ZNF831: variants seen among roughly 807,000 people sequenced by gnomAD.
ZNF831 encodes zinc finger protein 831, also known as chromosome 20 open reading frame 174.
In ZNF831, 59 loss-of-function variants were observed where a neutral mutation model predicts 95.8. That is an observed-to-expected ratio of 0.62 (90% CI 0.50 to 0.77). The LOEUF is 0.77. Among genes scored for constraint, ZNF831 ranks in the 30% least tolerant of loss-of-function variants. ZNF831 has a pLI of 0.00. For missense variants in ZNF831, 2,205 were observed against 2,164.0 expected (o/e 1.02, Z -0.38); for synonymous variants, 961 against 925.5 (o/e 1.04, Z -0.70).
At chr20:59,238,734 A>G (rs1987145794) in intron 4 of ZNF831, among the ~76,000 whole-genome samples, 1 of 152,218 alleles carries the variant, frequency 6.6e-6, no homozygotes. Context: ...GATCTTATAT[A>G]CAGGGTACAT....
At chr20:59,222,604 C>T (rs1282457596) in intron 4 of ZNF831, among the ~76,000 whole-genome samples, 2 of 152,108 alleles carry the variant, frequency 1.3e-5, no homozygotes, top group Non-Finnish European at 2.9e-5. Flanking sequence ...AAAAAACAAG[C>T]CTTGTGAATT....
At position 59,191,472 on chromosome 20, in the gene ZNF831, C is replaced by T. The variant is rs778350290; in HGVS notation, c.453C>T (p.Arg151=). The T allele has an allele frequency of 3.1e-6, 5 of 1,613,088 alleles. No homozygotes were observed. In the Admixed American group the frequency reaches 5.0e-5, roughly 16 times the overall value. ...AGTACCTGTGTCCGCACTGTGGTCG[C>T]GACTGCCTGAAGCCCAGTGTTCTAG... ...AGKYLCPHCG[R]DCLKPSVLEK... is the part of the protein sequence containing the mutation. The change falls in exon 2 of 6, where the codon CGC becomes CGT. Residue 151 remains arginine, a synonymous_variant. Coordinates refer to ENST00000371030, the MANE Select transcript of ZNF831 (RefSeq NM_178457.3).
intron 1 of ZNF831, among the ~76,000 whole-genome samples, chr20:59,183,695 TA>T (rs994078672): frequency 6.6e-6 from 1 of 152,236 alleles, no homozygotes; most frequent in Non-Finnish European, 1.5e-5. Flanking sequence ...ACATCTCTTT[TA>T]AAAAACTGTT....
At chr20:59,145,211 C>T (rs917874084) in intron 1 of ZNF831, among the ~76,000 whole-genome samples, 1 of 152,158 alleles carries the variant, frequency 6.6e-6, no homozygotes, top group African/African-American at 2.4e-5. Context: ...CCACATGTAT[C>T]CTTTCTGGCC....
At position 59,193,751 on chromosome 20, in the gene ZNF831, C is replaced by T. The variant is rs2146588801; in HGVS notation, c.2732C>T (p.Pro911Leu). The change falls in exon 2 of 6, where the codon CCA becomes CTA. Residue 911 changes from proline to leucine, a missense_variant. Physicochemically the swap from Pro to Leu is moderately conservative, Grantham distance 98 (BLOSUM62 -3). Coordinates refer to ENST00000371030, the MANE Select transcript of ZNF831 (RefSeq NM_178457.3). ...DKATPLHPAA[P>L]APAEHPSLAT... ...GCTACCCCACTGCATCCTGCAGCCC[C>T]AGCCCCCGCAGAGCACCCCTCGCTG... 6.2e-7 allele frequency: 1 copy of T among 1,609,060 alleles called. No homozygotes were observed. Among genetic ancestry groups the T allele is most frequent in the South Asian group, 1.1e-5 (1 of 90,340 alleles).
intron 4 of ZNF831, among the ~76,000 whole-genome samples, chr20:59,222,716 C>T (rs1986170684): frequency 6.6e-6 from 1 of 152,192 alleles, no homozygotes; most frequent in African/African-American, 2.4e-5. Context: ...CGCCGAAGCC[C>T]GGCTCCCTCC....
Position 59,194,098 on chromosome 20 carries a change from G to A in ZNF831, c.3079G>A (p.Gly1027Arg), listed in dbSNP as rs1168083817. 1 of 1,547,802 alleles carries A rather than the reference G, an allele frequency of 6.5e-7. No homozygotes were observed. The highest frequency in any genetic ancestry group is 1.3e-5 in the South Asian group (1 of 79,648). ...AGGGGCACAGTTGGGGGGGGACAAG[G>A]GGGACAGGATGGCCACTAGCAGGCC... is the stretch of plus-strand genomic sequence containing the variant. ...RKGAQLGGDK[G>R]DRMATSRPAA... Residue 1027 changes from glycine to arginine, a missense_variant, in exon 2 of 6, where the codon GGG becomes AGG. By Grantham distance (125) the Gly-to-Arg change is moderately radical. Coordinates refer to ENST00000371030, the MANE Select transcript of ZNF831 (RefSeq NM_178457.3).
At chr20:59,244,148 G>A (rs1415641257) in intron 4 of ZNF831, among the ~76,000 whole-genome samples, 6 of 150,330 alleles carry the variant, frequency 4.0e-5, no homozygotes, top group Non-Finnish European at 8.9e-5. Context: ...AAGAGAAGAC[G>A]AATGAGAACC....
intron 1 of ZNF831, among the ~76,000 whole-genome samples, chr20:59,144,984 C>T (rs137867777): frequency 2.0e-5 from 3 of 152,114 alleles, no homozygotes; most frequent in South Asian, 2.1e-4. Flanking sequence ...CCCCCATGCA[C>T]GGGCAGGAGC....
intron 3 of ZNF831, among the ~76,000 whole-genome samples, chr20:59,205,424 G>A (rs1028391721): frequency 6.6e-6 from 1 of 152,158 alleles, no homozygotes; most frequent in African/African-American, 2.4e-5. Context: ...CCCCAGCCGG[G>A]GAATGACAGC....
At chr20:59,137,723 A>T (rs549487600) in intron 1 of ZNF831, among the ~76,000 whole-genome samples, 1 of 152,292 alleles carries the variant, frequency 6.6e-6, no homozygotes, top group South Asian at 2.1e-4. Flanking sequence ...CCAGCAGAGC[A>T]TTTATAGCAA....
chr20:59,180,427 T>A (rs149089707), intron 1 of ZNF831, among the ~76,000 whole-genome samples: 1,627 of 152,324 alleles, frequency 0.011, 19 homozygotes, highest in Middle Eastern at 0.034. Context: ...TAGGTATACA[T>A]GTGCCATGGT....
chr20:59,217,077 C>G lies in ZNF831; in HGVS notation c.4027+10021C>G, dbSNP rs1418966454. Among the ~76,000 whole-genome samples, 1 of 152,156 alleles carries G rather than the reference C, an allele frequency of 6.6e-6. No individual in the cohort carries two copies. The highest frequency in any genetic ancestry group is 2.4e-5 in the African/African-American group (1 of 41,430). ...AAATGCAATAGATAAGGCTGATGTT[C>G]AGTTTCACCACTACCCCATCCCAAT... On this transcript the variant is annotated intron_variant, in intron 4 of 5. Transcript: ENST00000371030. The surrounding 1 kb of genome is among the most constrained non-coding windows in gnomAD (Gnocchi z 4.4).
In ZNF831 at chr20:59,221,270, A is replaced by C. The variant is rs11905720; in HGVS notation, c.4027+14214A>C. Among the ~76,000 whole-genome samples, 126 of 152,260 alleles carry C rather than the reference A, an allele frequency of 8.3e-4. 1 individual carries two copies. Among genetic ancestry groups the C allele is most frequent in the African/African-American group, 2.9e-3 (120 of 41,532 alleles). On this transcript the variant is annotated intron_variant, in intron 4 of 5. Transcript: ENST00000371030. Reference sequence around the variant, plus strand: ...GGAGCTCGTAGGGATTCGGGAGTACATTCTGGGCCCTTGAGTTTGTGCTAC... The same window carrying C: ...GGAGCTCGTAGGGATTCGGGAGTACCTTCTGGGCCCTTGAGTTTGTGCTAC...
intron 4 of ZNF831, among the ~76,000 whole-genome samples, chr20:59,247,422 C>A (rs146943281): frequency 6.6e-6 from 1 of 151,608 alleles, no homozygotes; most frequent in Non-Finnish European, 1.5e-5. Context: ...GAACAAATGC[C>A]CTGTGTTTAG....
intron 2 of ZNF831, among the ~76,000 whole-genome samples, chr20:59,157,995 G>A (rs1041426349): frequency 2.0e-5 from 3 of 152,136 alleles, no homozygotes; most frequent in African/African-American, 7.2e-5. Context: ...CAAAAACAGT[G>A]GGTGACACCA....
At chr20:59,129,695 G>T (rs954950808) in intron 1 of ZNF831, among the ~76,000 whole-genome samples, 7 of 152,162 alleles carry the variant, frequency 4.6e-5, no homozygotes, top group African/African-American at 1.7e-4. Context: ...CCCCTTCATG[G>T]TCGTAGCCCA....
chr20:59,246,229 TTC>T (rs149483343), intron 4 of ZNF831, among the ~76,000 whole-genome samples: 2,308 of 152,254 alleles, frequency 0.015, 54 homozygotes, highest in African/African-American at 0.053. Flanking sequence ...TTCACTCTCC[TTC>T]TCTGACAGGA....
chr20:59,221,441 T>A (rs1986066628), intron 4 of ZNF831, among the ~76,000 whole-genome samples: 1 of 152,180 alleles, frequency 6.6e-6, no homozygotes, highest in Admixed American at 6.5e-5. Flanking sequence ...CCCATCGTCC[T>A]CTAGGTAAAT....
Sources: allele counts gnomAD v4.1 joint callset (sites outside exome capture counted in the v4.1 genomes callset), GRCh38; gene constraint gnomAD v4.1.1; non-coding constraint Gnocchi (gnomAD v3.1); transcripts MANE v1.5; gene names NCBI Gene and HGNC (gene_info 2026-07-23, HGNC 2026-07-21).